SFSWAP: variants seen among roughly 807,000 people sequenced by gnomAD.
The protein encoded by SFSWAP is splicing factor SWAP.
A neutral mutation model predicts 100.7 loss-of-function variants in SFSWAP; 17 were observed. The ratio of observed to expected loss-of-function variants is 0.17; its 90% CI spans 0.12 to 0.25. SFSWAP has a LOEUF of 0.25. Among genes scored for constraint, SFSWAP ranks in the 10% least tolerant of loss-of-function variants. SFSWAP has a pLI of 1.00. For synonymous variants in SFSWAP, 504 were observed against 510.1 expected, an observed-to-expected ratio of 0.99 and a Z score of 0.16; for missense variants, 1,005 against 1,262.6, an observed-to-expected ratio of 0.80 and a Z score of 3.09.
chr12:131,797,855 C>T (rs1429904082), intron 16 of SFSWAP, among the ~76,000 whole-genome samples: 1 of 152,244 alleles, frequency 6.6e-6, no homozygotes, highest in Non-Finnish European at 1.5e-5. Context: ...AGTCAGACAC[C>T]CTCCGCTGCC....
chr12:131,728,492 G>A, intron 7 of SFSWAP, 64 bp downstream of exon 7: 1 of 1,548,758 alleles, frequency 6.5e-7, no homozygotes, highest in Non-Finnish European at 8.9e-7. Context: ...CAGCTACAGG[G>A]CTCTAAACCC....
intron 7 of SFSWAP, among the ~76,000 whole-genome samples, chr12:131,739,290 A>G (rs1419224362): frequency 1.3e-5 from 2 of 152,202 alleles, no homozygotes; most frequent in Non-Finnish European, 1.5e-5. Flanking sequence ...AAGTATTACC[A>G]GTGACTGAGC....
intron 7 of SFSWAP, among the ~76,000 whole-genome samples, chr12:131,747,064 A>C (rs999587866): frequency 1.2e-4 from 17 of 145,012 alleles, no homozygotes; most frequent in African/African-American, 4.1e-4. Context: ...AGATCGCACC[A>C]CTGCACTCCA....
chr12:131,741,788 T>C (rs1880666385), intron 7 of SFSWAP, among the ~76,000 whole-genome samples: 1 of 152,214 alleles, frequency 6.6e-6, no homozygotes, highest in African/African-American at 2.4e-5. Flanking sequence ...TGAATTCCTG[T>C]CTTCCCAGAT....
chr12:131,744,650 A>T (rs1880951674), intron 7 of SFSWAP, among the ~76,000 whole-genome samples: 1 of 152,180 alleles, frequency 6.6e-6, no homozygotes, highest in Non-Finnish European at 1.5e-5. Context: ...TCTGCCTGTT[A>T]CCCAGTTCCA....
chr12:131,781,178 A>G (rs371267003), intron 14 of SFSWAP, among the ~76,000 whole-genome samples: 2 of 151,938 alleles, frequency 1.3e-5, no homozygotes, highest in East Asian at 3.8e-4. Context: ...ATATTTTTGA[A>G]TAATTTAGAA....
In SFSWAP at chr12:131,795,634, G is replaced by C. The variant is rs1054287075; in HGVS notation, c.2535-1544G>C. Among the ~76,000 whole-genome samples, 7 of 152,042 alleles carry C rather than the reference G, an allele frequency of 4.6e-5. No individual in the cohort carries two copies. The East Asian group carries it at 1.2e-3, about 26-fold the overall frequency. On this transcript the variant is annotated intron_variant, in intron 15 of 17. Transcript: ENST00000261674. ...GCATGAAGTCCGGAGGCCCTGATGA[G>C]GGGCAGGGCTTGGGGTAACTGGGCC...
Position 131,744,068 on chromosome 12 carries a change from G to A in SFSWAP, c.1082-9055G>A, listed in dbSNP as rs185091774. ...CACAGGGACCCTGGGCCCAGACCAC[G>A]AAACCGTTTTTTCTTCCTAGGCCTC... On this transcript the variant is annotated intron_variant, in intron 7 of 17. Transcript: ENST00000261674. 3.5e-4 allele frequency among the ~76,000 whole-genome samples: 54 copies of A among 152,320 alleles called. No individual in the cohort carries two copies. The East Asian group carries it at 7.7e-3, about 22-fold the overall frequency.
Position 131,714,964 on chromosome 12 carries a change from A to G in SFSWAP, c.520+11A>G, listed in dbSNP as rs1877750267. 1 of 1,613,474 alleles carries G rather than the reference A, an allele frequency of 6.2e-7. No individual in the cohort carries two copies. Among genetic ancestry groups the G allele is most frequent in the South Asian group, 1.1e-5 (1 of 91,070 alleles). ...CTTCCAAACAGAGAGGTGAGTGGGGAGCTGCCTGGACTGCTGGTGTAGGGC... is the reference window on the plus strand; with the variant it reads ...CTTCCAAACAGAGAGGTGAGTGGGGGGCTGCCTGGACTGCTGGTGTAGGGC... On this transcript the variant is annotated intron_variant, in intron 3 of 17. Transcript: ENST00000261674. The surrounding 1 kb of genome is among the most constrained non-coding windows in gnomAD (Gnocchi z 6.0).
At chr12:131,758,432 A>G (rs906237995) in intron 11 of SFSWAP, among the ~76,000 whole-genome samples, 1 of 152,234 alleles carries the variant, frequency 6.6e-6, no homozygotes, top group Non-Finnish European at 1.5e-5. Flanking sequence ...TCAAAAGCAC[A>G]GGCCAGCCTC....
chr12:131,796,052 G>A (rs1885651020), intron 15 of SFSWAP: 1 of 83,878 alleles, frequency 1.2e-5, no homozygotes, highest in African/African-American at 4.8e-5. Context: ...CGGAGAGGGG[G>A]AGGGGAGGGG....
Position 131,771,048 on chromosome 12 carries a change from C to T in SFSWAP, c.2142+4740C>T, listed in dbSNP as rs114391697. ...TTTTTACAGTTGAATGGTGCTCGGTCGTGTGCATCTACCCCGTTTGTTTCC... is the reference window on the plus strand; with the variant it reads ...TTTTTACAGTTGAATGGTGCTCGGTTGTGTGCATCTACCCCGTTTGTTTCC... On this transcript the variant is annotated intron_variant, in intron 13 of 17. Coordinates refer to ENST00000261674, the MANE Select transcript of SFSWAP (RefSeq NM_004592.4). Among the ~76,000 whole-genome samples the T allele has an allele frequency of 9.2e-3, 1,401 of 152,294 alleles. 25 individuals carry two copies. The highest frequency in any genetic ancestry group is 0.032 in the African/African-American group (1,321 of 41,570).
intron 7 of SFSWAP, among the ~76,000 whole-genome samples, chr12:131,751,677 A>G (rs559145732): frequency 5.8e-4 from 89 of 152,370 alleles, no homozygotes; most frequent in Non-Finnish European, 8.8e-4. Flanking sequence ...TAGGAAGCCT[A>G]TGTTGGACCA....
chr12:131,736,415 A>G (rs765728690), intron 7 of SFSWAP, among the ~76,000 whole-genome samples: 1 of 151,980 alleles, frequency 6.6e-6, no homozygotes, highest in African/African-American at 2.4e-5. Context: ...AATGAGGGGA[A>G]AAAAAAAGCC....
At chr12:131,712,782 G>T (rs1877503347) in intron 1 of SFSWAP, 1 of 152,160 alleles carries the variant, frequency 6.6e-6, no homozygotes, top group South Asian at 2.1e-4. Context: ...CGCCTGAGTT[G>T]TCAGGCTTGC....
intron 7 of SFSWAP, among the ~76,000 whole-genome samples, chr12:131,742,565 A>G (rs1880744431): frequency 6.6e-6 from 1 of 152,128 alleles, no homozygotes; most frequent in Admixed American, 6.5e-5. Context: ...TTGCATCACT[A>G]CAGAAATCAT....
Position 131,766,467 on chromosome 12 carries a change from A to G in SFSWAP, c.2142+159A>G, listed in dbSNP as rs545023025. 1.1e-4 allele frequency among the ~76,000 whole-genome samples: 16 copies of G among 152,298 alleles called. No homozygotes were observed. In the South Asian group the frequency reaches 1.9e-3, roughly 18 times the overall value. ...GGTTGAGTGGCTTTTACTCTATAGC[A>G]GTGAATCTAAGAGTTTGCCAGCAGT... On this transcript the variant is annotated intron_variant, in intron 13 of 17. Transcript: ENST00000261674.
chr12:131,750,848 C>T (rs1379759183), intron 7 of SFSWAP, among the ~76,000 whole-genome samples: 1 of 152,036 alleles, frequency 6.6e-6, no homozygotes, highest in African/African-American at 2.4e-5. Flanking sequence ...TGTACCATGC[C>T]CAGCTAGTTT....
chr12:131,782,013 C>T (rs758480265), intron 14 of SFSWAP, among the ~76,000 whole-genome samples: 5 of 152,194 alleles, frequency 3.3e-5, no homozygotes, highest in Non-Finnish European at 5.9e-5. Context: ...CCGGCAGTGC[C>T]GTGGTCTCTG....
Sources: gnomAD v4.1 joint callset for allele counts (sites outside exome capture counted in the v4.1 genomes callset) on GRCh38, gnomAD v4.1.1 for gene constraint, Gnocchi (gnomAD v3.1) non-coding constraint, MANE v1.5 for transcripts, NCBI Gene and HGNC (gene_info 2026-07-23, HGNC 2026-07-21) for gene names.